The following RHOU variants were observed in gnomAD, a reference collection of about 807,000 sequenced individuals.
The protein encoded by RHOU is rho-related GTP-binding protein RhoU.
In RHOU, 8 loss-of-function variants were observed where a neutral mutation model predicts 12.6. That is an observed-to-expected ratio of 0.64 (90% CI 0.37 to 1.15). The LOEUF (loss-of-function observed/expected upper bound fraction) is 1.15, where lower values mean the gene tolerates loss of function less well. Ranked by LOEUF, RHOU falls within the 50% of genes most tolerant of loss-of-function variation. The pLI is 0.01. For synonymous variants in RHOU, 161 were observed against 147.4 expected, an observed-to-expected ratio of 1.09 and a Z score of -0.67; for missense variants, 258 against 347.0, an observed-to-expected ratio of 0.74 and a Z score of 2.04.
chr1:228,743,067 A>G lies in RHOU; in HGVS notation c.322-218A>G, dbSNP rs914831758. Reference sequence around the variant, plus strand: ...GAACATGTTTGGCAGTGTTCAGACCATAGCTGGCCCTGAAAGCAGATGGCT... The same window carrying G: ...GAACATGTTTGGCAGTGTTCAGACCGTAGCTGGCCCTGAAAGCAGATGGCT... On this transcript the variant is annotated intron_variant, in intron 2 of 2. Transcript: ENST00000366691. This position sits in a 1 kb window ranked among gnomAD's most constrained non-coding sequence, Gnocchi z 5.1. Among the ~76,000 whole-genome samples the G allele has an allele frequency of 4.6e-5, 7 of 152,224 alleles. No individual in the cohort carries two copies. The highest frequency in any genetic ancestry group is 2.1e-4 in the South Asian group (1 of 4,828).
the RHOU span, among the ~76,000 whole-genome samples, chr1:228,646,969 A>G: frequency 1.3e-5 from 2 of 152,014 alleles, no homozygotes; most frequent in Non-Finnish European, 1.5e-5. Flanking sequence ...AGAAAGGGAG[A>G]AGTACAGAGG....
At chr1:228,719,740 A>G in the RHOU span, among the ~76,000 whole-genome samples, 5 of 152,250 alleles carry the variant, frequency 3.3e-5, no homozygotes, top group South Asian at 6.2e-4. Context: ...AAAACAAAAC[A>G]AAAAACATAC....
At chr1:228,715,132 A>C in the RHOU span, among the ~76,000 whole-genome samples, 1 of 150,264 alleles carries the variant, frequency 6.7e-6, no homozygotes, top group Non-Finnish European at 1.5e-5. Context: ...TTTAGCTTCA[A>C]TTTTTCTTTT....
At chr1:228,648,551 C>T in the RHOU span, among the ~76,000 whole-genome samples, 1 of 152,202 alleles carries the variant, frequency 6.6e-6, no homozygotes, top group Non-Finnish European at 1.5e-5. Context: ...TCTCTTGCTT[C>T]ACCCACCCAG....
the RHOU span, among the ~76,000 whole-genome samples, chr1:228,719,092 T>G: frequency 1.3e-5 from 2 of 151,908 alleles, no homozygotes; most frequent in Non-Finnish European, 2.9e-5. Flanking sequence ...GGAGGAGGAG[T>G]GGAGTATCCT....
the RHOU span, among the ~76,000 whole-genome samples, chr1:228,714,500 C>G: frequency 6.6e-6 from 1 of 152,068 alleles, no homozygotes; most frequent in African/African-American, 2.4e-5. Context: ...TCTATAGATA[C>G]TAATCTGTTT....
the RHOU span, among the ~76,000 whole-genome samples, chr1:228,704,624 A>AT: frequency 1.6e-3 from 229 of 139,648 alleles, no homozygotes; most frequent in African/African-American, 1.7e-3. Flanking sequence ...CACTCAGCTA[A>AT]TTTTTTTTTT....
At chr1:228,694,271 T>A in the RHOU span, among the ~76,000 whole-genome samples, 2 of 152,220 alleles carry the variant, frequency 1.3e-5, no homozygotes, top group Non-Finnish European at 2.9e-5. Flanking sequence ...ATTTTATTTC[T>A]AATCTGTGTT....
In RHOU at chr1:228,735,495, A is replaced by G. The variant is rs1662580308; in HGVS notation, c.-248A>G. On this transcript the variant is annotated 5_prime_UTR_variant, in exon 1 of 3. Transcript: ENST00000366691. This position sits in a 1 kb window ranked among gnomAD's most constrained non-coding sequence, Gnocchi z 8.1. ...GGCGGAGACAGAGCGCTTGGGATCC[A>G]CGGCGCTCGGACCGCTGTCCTCCAA... 3.8e-6 allele frequency: 1 copy of G among 262,422 alleles called. No individual in the cohort carries two copies. Among genetic ancestry groups the G allele is most frequent in the Non-Finnish European group, 7.1e-6 (1 of 140,184 alleles). 16.3% of individuals were successfully genotyped at this position (262,422 alleles called of 1,614,324 possible). A position where few individuals can be genotyped will look rare whatever the true frequency, so the allele number is the denominator to read the frequency against.
chr1:228,696,057 T>C, the RHOU span, among the ~76,000 whole-genome samples: 5 of 152,212 alleles, frequency 3.3e-5, no homozygotes, highest in Non-Finnish European at 7.3e-5. Context: ...AAACCAAATA[T>C]ATGTTAATAT....
At chr1:228,707,717 G>A in the RHOU span, among the ~76,000 whole-genome samples, 1 of 152,130 alleles carries the variant, frequency 6.6e-6, no homozygotes, top group Non-Finnish European at 1.5e-5. Context: ...AAAAACCAGA[G>A]CAGAAAAACT....
chr1:228,683,972 G>A, the RHOU span, among the ~76,000 whole-genome samples: 1 of 152,238 alleles, frequency 6.6e-6, no homozygotes, highest in African/African-American at 2.4e-5. Context: ...AGAAAACTGA[G>A]GATCTGTGGA....
chr1:228,647,717 C>T, the RHOU span, among the ~76,000 whole-genome samples: 2 of 152,168 alleles, frequency 1.3e-5, no homozygotes, highest in South Asian at 2.1e-4. Context: ...CTGCTGGATC[C>T]GGTTTCATCG....
chr1:228,687,763 A>T, the RHOU span: 1 of 1,391,052 alleles, frequency 7.2e-7, no homozygotes, highest in Non-Finnish European at 1.0e-6. Flanking sequence ...GGAGCGCCCG[A>T]ATCTGGCTCG....
the RHOU span, chr1:228,651,244 C>T: frequency 4.8e-6 from 1 of 206,400 alleles, no homozygotes; most frequent in East Asian, 1.4e-4. Context: ...CATTGATAAG[C>T]CATTTGCAGA....
chr1:228,707,197 A>ATATG, the RHOU span, among the ~76,000 whole-genome samples: 1 of 50,262 alleles, frequency 2.0e-5, no homozygotes, highest in African/African-American at 2.0e-4. Context: ...ATATATATAC[A>ATATG]TATATATACA....
intron 2 of RHOU, among the ~76,000 whole-genome samples, chr1:228,741,219 A>G (rs2102718154): frequency 6.6e-6 from 1 of 152,276 alleles, no homozygotes; most frequent in East Asian, 1.9e-4. Flanking sequence ...AGCACATGCA[A>G]ATTGCTTGGC....
the RHOU span, among the ~76,000 whole-genome samples, chr1:228,713,700 CA>C: frequency 6.6e-6 from 1 of 152,196 alleles, no homozygotes. Flanking sequence ...GCAAATTAAT[CA>C]AACCCAAGGA....
the RHOU span, among the ~76,000 whole-genome samples, chr1:228,677,379 T>A: frequency 6.6e-6 from 1 of 152,204 alleles, no homozygotes. Context: ...GGGTTCAGCA[T>A]AATTATTTTC....
Sources: gnomAD v4.1 joint callset for allele counts (sites outside exome capture counted in the v4.1 genomes callset) on GRCh38, gnomAD v4.1.1 for gene constraint, Gnocchi (gnomAD v3.1) non-coding constraint, MANE v1.5 for transcripts, NCBI Gene and HGNC (gene_info 2026-07-23, HGNC 2026-07-21) for gene names.